Variants in RPS6KC1 observed in about 807,000 individuals in gnomAD.
RPS6KC1 encodes the protein ribosomal protein S6 kinase C1.
In RPS6KC1, 54 loss-of-function variants were observed where a neutral mutation model predicts 103.8. The observed-to-expected ratio is 0.52, with a 90% CI of 0.42 to 0.65. RPS6KC1 has a LOEUF of 0.65. Ranked by LOEUF, RPS6KC1 falls within the 30% of genes least tolerant of loss-of-function variation. RPS6KC1 has a pLI of 0.00. For missense variants in RPS6KC1, 1,151 were observed against 1,253.8 expected, an observed-to-expected ratio of 0.92 and a Z score of 1.24; for synonymous variants, 439 against 438.7, an observed-to-expected ratio of 1.00 and a Z score of -0.01.
chr1:213,205,434 A>G, intron 8 of RPS6KC1: 1 of 945,320 alleles, frequency 1.1e-6, no homozygotes, highest in South Asian at 4.9e-5. Flanking sequence ...GGATGGTGGG[A>G]AGTAGCCCTC....
At chr1:213,205,460 A>G (rs1332063903) in intron 8 of RPS6KC1, 2 of 734,108 alleles carry the variant, frequency 2.7e-6, no homozygotes, top group African/African-American at 3.9e-5. Context: ...CAAAGCTTTA[A>G]GAACGACCAA....
the RPS6KC1 span, among the ~76,000 whole-genome samples, chr1:213,788,419 T>A: frequency 6.6e-6 from 1 of 152,174 alleles, no homozygotes; most frequent in African/African-American, 2.4e-5. Context: ...CACTGCCTTC[T>A]AGGTCTACCA....
chr1:213,178,718 CTTTTT>C (rs960291541), intron 8 of RPS6KC1, among the ~76,000 whole-genome samples: 1 of 146,044 alleles, frequency 6.8e-6, no homozygotes, highest in Non-Finnish European at 1.5e-5. Flanking sequence ...TGACATTTAA[CTTTTT>C]TTTTTTTAAT....
intron 2 of RPS6KC1, among the ~76,000 whole-genome samples, chr1:213,076,872 C>CTT (rs397944007): frequency 7.0e-5 from 10 of 143,876 alleles, no homozygotes; most frequent in South Asian, 2.2e-4. Flanking sequence ...TCAGTTTATC[C>CTT]TTTTTTTTTT....
intron 12 of RPS6KC1, among the ~76,000 whole-genome samples, chr1:213,247,550 T>C (rs1326448166): frequency 6.6e-6 from 1 of 152,194 alleles, no homozygotes; most frequent in East Asian, 1.9e-4. Context: ...GAGTTTAAAA[T>C]ATCTTGAGGC....
intron 8 of RPS6KC1, among the ~76,000 whole-genome samples, chr1:213,221,508 A>G (rs1558570258): frequency 6.6e-6 from 1 of 152,230 alleles, no homozygotes; most frequent in Non-Finnish European, 1.5e-5. Context: ...GGCTGCCACC[A>G]GCTAAACTGG....
the RPS6KC1 span, among the ~76,000 whole-genome samples, chr1:213,293,881 T>C: frequency 6.6e-6 from 1 of 152,232 alleles, no homozygotes; most frequent in Non-Finnish European, 1.5e-5. Context: ...ACTATTAAGA[T>C]ACCATAACTA....
intron 8 of RPS6KC1, among the ~76,000 whole-genome samples, chr1:213,221,969 G>A (rs887972167): frequency 6.6e-6 from 1 of 152,148 alleles, no homozygotes; most frequent in African/African-American, 2.4e-5. Flanking sequence ...GGATCAAATA[G>A]GAGCCTGAAG....
the RPS6KC1 span, among the ~76,000 whole-genome samples, chr1:213,846,315 A>G: frequency 1.3e-5 from 2 of 152,004 alleles, no homozygotes; most frequent in South Asian, 2.1e-4. Context: ...AAAAGAAAGA[A>G]AAAGAAAAAA....
the RPS6KC1 span, among the ~76,000 whole-genome samples, chr1:213,377,176 G>A: frequency 1.3e-5 from 2 of 152,234 alleles, no homozygotes; most frequent in East Asian, 1.9e-4. Context: ...CTTCCTGAAC[G>A]TGGGGGTCAT....
the RPS6KC1 span, among the ~76,000 whole-genome samples, chr1:213,328,541 T>TATATATAA: frequency 7.8e-6 from 1 of 129,018 alleles, no homozygotes; most frequent in Admixed American, 8.1e-5. Context: ...TATATATATA[T>TATATATAA]CACACACACA....
chr1:213,756,247 T>C, the RPS6KC1 span, among the ~76,000 whole-genome samples: 7 of 152,218 alleles, frequency 4.6e-5, no homozygotes, highest in African/African-American at 1.7e-4. Context: ...AAAGACCATG[T>C]GCCCAGCTTC....
At chr1:213,560,126 A>G in the RPS6KC1 span, among the ~76,000 whole-genome samples, 1 of 152,116 alleles carries the variant, frequency 6.6e-6, no homozygotes, top group African/African-American at 2.4e-5. Context: ...CAAAATTCTA[A>G]ATGGCCCCAA....
At chr1:213,445,999 G>A in the RPS6KC1 span, among the ~76,000 whole-genome samples, 6 of 152,162 alleles carry the variant, frequency 3.9e-5, no homozygotes, top group African/African-American at 1.2e-4. Flanking sequence ...GTGGTGGCAC[G>A]AATGCAGTCC....
At chr1:213,287,154 C>T in the RPS6KC1 span, among the ~76,000 whole-genome samples, 1 of 151,760 alleles carries the variant, frequency 6.6e-6, no homozygotes. Context: ...AGAACTATAA[C>T]AGGATCATTG....
chr1:213,767,348 T>C, the RPS6KC1 span, among the ~76,000 whole-genome samples: 3 of 152,150 alleles, frequency 2.0e-5, no homozygotes, highest in Non-Finnish European at 2.9e-5. Context: ...CATTATAGTA[T>C]CCTCATTATC....
At chr1:213,328,370 C>T in the RPS6KC1 span, among the ~76,000 whole-genome samples, 2 of 151,794 alleles carry the variant, frequency 1.3e-5, no homozygotes, top group Admixed American at 6.6e-5. Context: ...ACATTTTGCC[C>T]AATTTACCTT....
chr1:213,693,592 C>T, the RPS6KC1 span, among the ~76,000 whole-genome samples: 1 of 152,150 alleles, frequency 6.6e-6, no homozygotes. Flanking sequence ...TGAGCCACAG[C>T]AGGAATGGAG....
the RPS6KC1 span, among the ~76,000 whole-genome samples, chr1:213,643,823 A>T: frequency 6.6e-6 from 1 of 152,034 alleles, no homozygotes; most frequent in Non-Finnish European, 1.5e-5. Flanking sequence ...TATTTATGTT[A>T]GCTAATAATT....
Sources: allele counts gnomAD v4.1 joint callset (sites outside exome capture counted in the v4.1 genomes callset), GRCh38; gene constraint gnomAD v4.1.1; transcripts MANE v1.5; gene names NCBI Gene and HGNC (gene_info 2026-07-23, HGNC 2026-07-21).